RBFOX1: variants seen among roughly 807,000 people sequenced by gnomAD.
RBFOX1 encodes the protein RNA binding protein fox-1 homolog 1.
A neutral mutation model predicts 57.7 loss-of-function variants in RBFOX1; 8 were observed. That is an observed-to-expected ratio of 0.14 (90% confidence interval 0.08 to 0.25). RBFOX1 has a LOEUF of 0.25. RBFOX1 is among the 10% of genes least tolerant of loss of function. The pLI is 1.00. For missense variants in RBFOX1, 611 were observed against 548.5 expected (o/e 1.11, Z -1.14); for synonymous variants, 326 against 222.4 (o/e 1.47, Z -4.15).
intron 3 of RBFOX1, among the ~76,000 whole-genome samples, chr16:6,941,021 C>G (rs1055451621): frequency 6.6e-6 from 1 of 151,864 alleles, no homozygotes; most frequent in Non-Finnish European, 1.5e-5. Context: ...TTATCGTATA[C>G]TTCTATATGT....
At chr16:5,784,012 A>G (rs760335936) in intron 3 of RBFOX1, among the ~76,000 whole-genome samples, 36 of 152,222 alleles carry the variant, frequency 2.4e-4, no homozygotes, top group Non-Finnish European at 4.4e-4. Context: ...TGGGTAATTT[A>G]TAAATAAAAG....
chr16:5,527,409 A>G (rs1484597400), intron 2 of RBFOX1, among the ~76,000 whole-genome samples: 1 of 152,200 alleles, frequency 6.6e-6, no homozygotes, highest in Non-Finnish European at 1.5e-5. Flanking sequence ...GCAGGTGAGG[A>G]TGGCAATCTT....
intron 2 of RBFOX1, among the ~76,000 whole-genome samples, chr16:6,513,034 T>G (rs190850443): frequency 6.6e-6 from 1 of 152,236 alleles, no homozygotes; most frequent in Admixed American, 6.5e-5. Flanking sequence ...ACTGTGAAAA[T>G]ACAAAATAGC....
At chr16:6,075,482 T>C (rs1266735103) in intron 1 of RBFOX1, among the ~76,000 whole-genome samples, 1 of 152,222 alleles carries the variant, frequency 6.6e-6, no homozygotes, top group African/African-American at 2.4e-5. Flanking sequence ...AAAATACTGC[T>C]TTAGAAAATA....
chr16:5,330,352 G>C (rs1446157672), intron 1 of RBFOX1, among the ~76,000 whole-genome samples: 1 of 151,950 alleles, frequency 6.6e-6, no homozygotes, highest in Non-Finnish European at 1.5e-5. Context: ...TTATAAATTG[G>C]TTTATCCCCT....
At chr16:5,850,766 G>C (rs1169539150) in intron 3 of RBFOX1, among the ~76,000 whole-genome samples, 3 of 152,202 alleles carry the variant, frequency 2.0e-5, no homozygotes, top group African/African-American at 7.2e-5. Context: ...CGACTCCAGA[G>C]CCTGATGTCT....
intron 2 of RBFOX1, among the ~76,000 whole-genome samples, chr16:6,500,345 C>G (rs983382922): frequency 1.3e-5 from 2 of 152,148 alleles, no homozygotes; most frequent in Non-Finnish European, 2.9e-5. Context: ...GACATGGATG[C>G]ACGTGTGCAC....
intron 3 of RBFOX1, among the ~76,000 whole-genome samples, chr16:6,941,786 C>T (rs1035288930): frequency 3.9e-5 from 6 of 152,158 alleles, no homozygotes; most frequent in Admixed American, 1.3e-4. Flanking sequence ...TGAACTCATA[C>T]TCACCCTATT....
At chr16:7,192,276 G>C (rs1486683661) in intron 4 of RBFOX1, among the ~76,000 whole-genome samples, 1 of 152,182 alleles carries the variant, frequency 6.6e-6, no homozygotes, top group Non-Finnish European at 1.5e-5. Context: ...AGGAGAGAGA[G>C]TTTCCTTGTG....
chr16:6,480,654 A>G (rs762467850), intron 2 of RBFOX1, among the ~76,000 whole-genome samples: 25 of 152,202 alleles, frequency 1.6e-4, no homozygotes, highest in Non-Finnish European at 3.1e-4. Context: ...ATATTTATAT[A>G]TCTACGGAAA....
chr16:6,917,530 A>G (rs1386413707), intron 3 of RBFOX1, among the ~76,000 whole-genome samples: 3 of 152,232 alleles, frequency 2.0e-5, no homozygotes, highest in Non-Finnish European at 4.4e-5. Flanking sequence ...CCAAAGGAAG[A>G]TCAATGCTAA....
intron 11 of RBFOX1, among the ~76,000 whole-genome samples, chr16:7,631,404 T>G (rs2060932938): frequency 6.6e-6 from 1 of 152,152 alleles, no homozygotes; most frequent in South Asian, 2.1e-4. Flanking sequence ...TGCTCTGGGT[T>G]CAAGGATGCC....
chr16:6,479,946 G>A (rs2095345769), intron 2 of RBFOX1, among the ~76,000 whole-genome samples: 1 of 151,436 alleles, frequency 6.6e-6, no homozygotes, highest in South Asian at 2.1e-4. Context: ...AGCTACTCGG[G>A]AGGCTGAGGC....
At chr16:7,330,101 G>T (rs1369894174) in intron 4 of RBFOX1, among the ~76,000 whole-genome samples, 1 of 152,034 alleles carries the variant, frequency 6.6e-6, no homozygotes, top group African/African-American at 2.4e-5. Context: ...AATTTGTCAT[G>T]GCCTGAAATG....
intron 1 of RBFOX1, among the ~76,000 whole-genome samples, chr16:6,307,019 A>G (rs1004730451): frequency 6.6e-6 from 1 of 152,164 alleles, no homozygotes; most frequent in African/African-American, 2.4e-5. Context: ...CAACATCTCT[A>G]TTTTTAAAAA....
chr16:6,271,554 C>G (rs888757414), intron 1 of RBFOX1, among the ~76,000 whole-genome samples: 7 of 152,254 alleles, frequency 4.6e-5, no homozygotes, highest in South Asian at 2.1e-4. Flanking sequence ...ATGAGTAAGA[C>G]AAACCTCCTG....
intron 4 of RBFOX1, among the ~76,000 whole-genome samples, chr16:7,165,420 ATTATTATTATT>A (rs2079255552): frequency 6.8e-6 from 1 of 147,906 alleles, no homozygotes; most frequent in Non-Finnish European, 1.5e-5. Flanking sequence ...GATAATAATC[ATTATTATTATT>A]ATTATTTTAC....
chr16:7,394,269 G>C (rs924444825), intron 4 of RBFOX1, among the ~76,000 whole-genome samples: 1 of 117,640 alleles, frequency 8.5e-6, no homozygotes, highest in African/African-American at 3.2e-5. Context: ...AAAAAAGAGA[G>C]AAAGAAATAA....
chr16:7,284,475 C>T (rs1052770967), intron 4 of RBFOX1, among the ~76,000 whole-genome samples: 1 of 152,108 alleles, frequency 6.6e-6, no homozygotes, highest in Non-Finnish European at 1.5e-5. Flanking sequence ...GGACCACAGG[C>T]ACTCACCACC....
Sources: gnomAD v4.1 joint callset for allele counts (sites outside exome capture counted in the v4.1 genomes callset) on GRCh38, gnomAD v4.1.1 for gene constraint, MANE v1.5 for transcripts, NCBI Gene and HGNC (gene_info 2026-07-23, HGNC 2026-07-21) for gene names.